TENM2: variants seen among roughly 807,000 people sequenced by gnomAD.
TENM2 encodes teneurin transmembrane protein 2.
A neutral mutation model predicts 245.2 loss-of-function variants in TENM2; 52 were observed. The observed-to-expected ratio is 0.21, with a 90% CI of 0.17 to 0.27. The LOEUF is 0.27. TENM2 is among the 10% of genes least tolerant of loss of function. The probability of loss-of-function intolerance (pLI) is 1.00; values close to 1 mark genes in which losing one functional copy is unlikely to be tolerated. For missense variants in TENM2, 3,046 were observed against 3,666.8 expected, an observed-to-expected ratio of 0.83 and a Z score of 4.37; for synonymous variants, 1,363 against 1,438.9, an observed-to-expected ratio of 0.95 and a Z score of 1.19.
chr5:167,430,653 C>T lies in TENM2; in HGVS notation c.502+55180C>T, dbSNP rs369807877. On this transcript the variant is annotated intron_variant, in intron 2 of 28. Coordinates refer to ENST00000518659, the Ensembl canonical transcript of TENM2. ...AAGTGGCCCCATGGGGCTGCCCTAGCAGCAAAAATCAAAACAAACAAACAG... is the reference window on the plus strand; with the variant it reads ...AAGTGGCCCCATGGGGCTGCCCTAGTAGCAAAAATCAAAACAAACAAACAG... 2.4e-4 allele frequency among the ~76,000 whole-genome samples: 37 copies of T among 152,280 alleles called. 1 individual carries two copies. In the East Asian group the frequency reaches 2.5e-3, roughly 10 times the overall value.
intron 1 of TENM2, among the ~76,000 whole-genome samples, chr5:167,307,556 C>A (rs1346664752): frequency 2.0e-5 from 3 of 152,016 alleles, no homozygotes; most frequent in Non-Finnish European, 4.4e-5. Context: ...ACTCATTTGA[C>A]AGATGAGGAA....
chr5:167,299,696 G>C (rs1310712063), intron 1 of TENM2, among the ~76,000 whole-genome samples: 1 of 152,130 alleles, frequency 6.6e-6, no homozygotes, highest in Non-Finnish European at 1.5e-5. Context: ...GTGTGATCAG[G>C]GTGAGGAACA....
intron 4 of TENM2, among the ~76,000 whole-genome samples, chr5:167,955,429 C>G (rs1780473784): frequency 6.6e-6 from 1 of 152,106 alleles, no homozygotes; most frequent in Non-Finnish European, 1.5e-5. Context: ...CCTGTTCTCT[C>G]TGATTATAGT....
the TENM2 span, among the ~76,000 whole-genome samples, chr5:167,029,816 G>T: frequency 2.0e-5 from 3 of 152,224 alleles, no homozygotes; most frequent in African/African-American, 4.8e-5. Context: ...CAATCATCTT[G>T]CAGGGGTGAA....
At chr5:167,540,101 A>G (rs1329401758) in intron 2 of TENM2, among the ~76,000 whole-genome samples, 1 of 152,216 alleles carries the variant, frequency 6.6e-6, no homozygotes, top group Non-Finnish European at 1.5e-5. Context: ...TTTAAATTAC[A>G]TCGTTGGAGT....
intron 10 of TENM2, among the ~76,000 whole-genome samples, chr5:168,120,914 A>G (rs931778844): frequency 6.6e-6 from 1 of 152,322 alleles, no homozygotes; most frequent in East Asian, 1.9e-4. Context: ...TGCCCAAGAA[A>G]ATGAAAGGAT....
intron 2 of TENM2, among the ~76,000 whole-genome samples, chr5:167,632,676 A>G (rs1778951408): frequency 6.6e-6 from 1 of 152,108 alleles, no homozygotes; most frequent in African/African-American, 2.4e-5. Context: ...ATTCACGCAC[A>G]CACACCATGC....
At chr5:167,859,390 GC>G (rs1583206300) in intron 2 of TENM2, among the ~76,000 whole-genome samples, 4 of 135,454 alleles carry the variant, frequency 3.0e-5, no homozygotes, top group South Asian at 2.4e-4. Context: ...GGGGGGGTCA[GC>G]CCCCCGCCCG....
chr5:167,282,359 A>G (rs1423522676), upstream of TENM2, among the ~76,000 whole-genome samples: 1 of 152,178 alleles, frequency 6.6e-6, no homozygotes, highest in Non-Finnish European at 1.5e-5. Context: ...AGGATTTATT[A>G]TTAGAACTGT....
At chr5:168,024,506 A>G (rs184724501) in intron 5 of TENM2, among the ~76,000 whole-genome samples, 1 of 152,332 alleles carries the variant, frequency 6.6e-6, no homozygotes, top group East Asian at 1.9e-4. Context: ...ACAGCACTCC[A>G]GAGGGATTTT....
At chr5:167,579,180 A>G (rs987167746) in intron 2 of TENM2, among the ~76,000 whole-genome samples, 1 of 152,198 alleles carries the variant, frequency 6.6e-6, no homozygotes, top group Admixed American at 6.5e-5. Context: ...GGCATCACTC[A>G]TGCACTTGAC....
chr5:167,678,340 T>A (rs1234095980), intron 2 of TENM2, among the ~76,000 whole-genome samples: 1 of 152,190 alleles, frequency 6.6e-6, no homozygotes, highest in Non-Finnish European at 1.5e-5. Flanking sequence ...AGATTAGTTC[T>A]TCCTTTTAAA....
intron 2 of TENM2, among the ~76,000 whole-genome samples, chr5:167,841,100 C>G (rs575422177): frequency 1.3e-5 from 2 of 151,798 alleles, no homozygotes; most frequent in African/African-American, 4.8e-5. Flanking sequence ...TCTGTCAACC[C>G]GGATGGAGTA....
At chr5:167,765,050 C>T (rs2150731875) in intron 2 of TENM2, among the ~76,000 whole-genome samples, 2 of 152,226 alleles carry the variant, frequency 1.3e-5, no homozygotes, top group Middle Eastern at 3.4e-3. Flanking sequence ...GAGTGCCTGT[C>T]CTTGGGCTGG....
intron 2 of TENM2, among the ~76,000 whole-genome samples, chr5:167,586,507 G>A (rs758424112): frequency 1.4e-4 from 21 of 152,076 alleles, no homozygotes; most frequent in Non-Finnish European, 2.6e-4. Flanking sequence ...TTAATCTTTG[G>A]TTCCCTGAGG....
intron 2 of TENM2, among the ~76,000 whole-genome samples, chr5:167,865,418 C>T (rs960640457): frequency 1.3e-5 from 2 of 152,074 alleles, no homozygotes; most frequent in East Asian, 1.9e-4. Context: ...GGAGCACAGG[C>T]GCACACCACC....
At chr5:167,617,042 A>G (rs970206182) in intron 2 of TENM2, among the ~76,000 whole-genome samples, 3 of 152,184 alleles carry the variant, frequency 2.0e-5, no homozygotes, top group African/African-American at 7.2e-5. Flanking sequence ...ACATTACACA[A>G]GTATTGCTCA....
At chr5:168,180,712 A>T (rs1029392734) in intron 13 of TENM2, among the ~76,000 whole-genome samples, 8 of 152,200 alleles carry the variant, frequency 5.3e-5, no homozygotes, top group African/African-American at 1.9e-4. Context: ...CCTGGCCAAC[A>T]TGGTGAAACC....
At chr5:167,491,461 A>G (rs1768424356) in intron 2 of TENM2, among the ~76,000 whole-genome samples, 2 of 152,136 alleles carry the variant, frequency 1.3e-5, no homozygotes, top group South Asian at 2.1e-4. Context: ...ACTCAACATC[A>G]GTTTTTATAG....
Sources: allele counts gnomAD v4.1 joint callset (sites outside exome capture counted in the v4.1 genomes callset), GRCh38; gene constraint gnomAD v4.1.1; transcripts MANE v1.5; gene names NCBI Gene and HGNC (gene_info 2026-07-23, HGNC 2026-07-21).